Variants in CEP128 observed in about 807,000 individuals in gnomAD.
CEP128 encodes centrosomal protein 128.
In CEP128, 132 loss-of-function variants were observed where a neutral mutation model predicts 156.7. The observed-to-expected ratio is 0.84, with a 90% CI of 0.73 to 0.97. The LOEUF (loss-of-function observed/expected upper bound fraction) is 0.97. Ranked by LOEUF, CEP128 falls within the 50% of genes least tolerant of loss-of-function variation. The pLI is 0.00. For synonymous variants in CEP128, 469 were observed against 448.9 expected, an observed-to-expected ratio of 1.04 and a Z score of -0.57; for missense variants, 1,252 against 1,281.9, an observed-to-expected ratio of 0.98 and a Z score of 0.36.
intron 2 of CEP128, among the ~76,000 whole-genome samples, chr14:80,948,305 C>A (rs1044526917): frequency 6.6e-6 from 1 of 152,172 alleles, no homozygotes; most frequent in Non-Finnish European, 1.5e-5. Flanking sequence ...CTCAAAGAAT[C>A]ATCTTTAGCC....
chr14:80,668,028 T>C (rs1030495866), intron 19 of CEP128, among the ~76,000 whole-genome samples: 7 of 152,242 alleles, frequency 4.6e-5, no homozygotes, highest in South Asian at 2.1e-4. Context: ...CTGATGATAA[T>C]AGTAAACAGT....
intron 21 of CEP128, among the ~76,000 whole-genome samples, chr14:80,532,691 C>T (rs941917612): frequency 2.0e-5 from 3 of 152,156 alleles, no homozygotes; most frequent in Admixed American, 6.5e-5. Flanking sequence ...GATTGCTTTC[C>T]ATTGCTATCC....
intron 2 of CEP128, chr14:80,955,682 T>A (rs1305153461): frequency 6.2e-6 from 10 of 1,613,786 alleles, no homozygotes. Context: ...CCGTGGAAAA[T>A]GAGGCCGGCG....
At chr14:80,905,757 A>G in intron 5 of CEP128, 198 bp downstream of exon 5, 1 of 435,848 alleles carries the variant, frequency 2.3e-6, no homozygotes, top group East Asian at 4.5e-5. Flanking sequence ...GAGTTTGAGA[A>G]AAAAAAAAAA....
downstream of CEP128, among the ~76,000 whole-genome samples, chr14:80,489,719 G>A (rs111250486): frequency 1.3e-5 from 2 of 150,148 alleles, no homozygotes; most frequent in African/African-American, 2.5e-5. Context: ...CTGCTCTCTC[G>A]TCTCCTTAAA....
At chr14:80,865,184 T>A (rs1887709179) in intron 8 of CEP128, among the ~76,000 whole-genome samples, 1 of 152,200 alleles carries the variant, frequency 6.6e-6, no homozygotes, top group Admixed American at 6.5e-5. Context: ...AGTATTTATA[T>A]TTTTGTATCT....
intron 9 of CEP128, among the ~76,000 whole-genome samples, chr14:80,842,748 A>C (rs1022389377): frequency 6.6e-6 from 1 of 152,014 alleles, no homozygotes; most frequent in Admixed American, 6.6e-5. Flanking sequence ...GAAGAAAAAA[A>C]AATCACATGC....
intron 19 of CEP128, among the ~76,000 whole-genome samples, chr14:80,636,823 A>C (rs972630006): frequency 8.5e-5 from 13 of 152,164 alleles, no homozygotes; most frequent in African/African-American, 2.9e-4. Flanking sequence ...ACGGTGGCTC[A>C]CACCTGTAAT....
chr14:80,719,302 C>T (rs1273955268), intron 19 of CEP128, among the ~76,000 whole-genome samples: 1 of 152,176 alleles, frequency 6.6e-6, no homozygotes. Flanking sequence ...TCTTTGGACT[C>T]ATGGTGCAAT....
At chr14:80,724,401 T>C (rs1324836026) in intron 19 of CEP128, among the ~76,000 whole-genome samples, 1 of 152,084 alleles carries the variant, frequency 6.6e-6, no homozygotes, top group Non-Finnish European at 1.5e-5. Flanking sequence ...TTTATCCAAA[T>C]AGATACATTA....
chr14:80,610,563 T>C (rs1446486977), intron 19 of CEP128, among the ~76,000 whole-genome samples: 1 of 152,148 alleles, frequency 6.6e-6, no homozygotes, highest in African/African-American at 2.4e-5. Context: ...TGGTATTATA[T>C]GGGAAAACAT....
At position 80,647,011 on chromosome 14, in the gene CEP128, A is replaced by ATATATATATGTG. The variant is rs1233103116; in HGVS notation, c.2807-66589_2807-66588insCACATATATATA. 1.9e-3 allele frequency among the ~76,000 whole-genome samples: 136 copies of ATATATATATGTG among 72,532 alleles called. 9 individuals are homozygous for ATATATATATGTG. The East Asian group carries it at 0.028, about 15-fold the overall frequency. 47.6% of individuals were successfully genotyped at this position (72,532 alleles called of 152,430 possible). ...TTATAAGAAATATATATATATATAT[A>ATATATATATGTG]TGTGTGTGTATATATATGTGTGCAT... is the stretch of plus-strand genomic sequence containing the variant. On this transcript the variant is annotated intron_variant, in intron 19 of 24. Coordinates refer to ENST00000555265, the MANE Select transcript of CEP128 (RefSeq NM_152446.5).
At chr14:80,913,622 T>C (rs60459982) in intron 4 of CEP128, among the ~76,000 whole-genome samples, 9,930 of 151,948 alleles carry the variant, frequency 0.065, 1,077 homozygotes, top group African/African-American at 0.23. Context: ...CTAAGCTATG[T>C]GTACATAAAG....
At chr14:80,861,009 A>G (rs1401120316) in intron 9 of CEP128, among the ~76,000 whole-genome samples, 1 of 151,992 alleles carries the variant, frequency 6.6e-6, no homozygotes, top group African/African-American at 2.4e-5. Flanking sequence ...GAAACACTTA[A>G]AGGGAATTTC....
chr14:80,710,935 TG>T (rs1897379611), intron 19 of CEP128, among the ~76,000 whole-genome samples: 2 of 152,190 alleles, frequency 1.3e-5, no homozygotes, highest in Admixed American at 1.3e-4. Flanking sequence ...AATTATCGTC[TG>T]AAATCATTAA....
rs190004688 is a variant in CEP128, at chr14:80,789,805, C to T, written c.1560+2955G>A. On this transcript the variant is annotated intron_variant, in intron 14 of 24. Transcript: ENST00000555265. ...AGACGTGAATACAAAGTATTATATA[C>T]GCAGTTTGGTTTTTTTTTTTTAACT... Among the ~76,000 whole-genome samples the T allele has an allele frequency of 2.7e-3, 399 of 149,192 alleles. 20 individuals carry two copies. The South Asian group carries it at 0.074, about 28-fold the overall frequency.
chr14:80,527,392 C>A (rs1415392820), intron 22 of CEP128: 2 of 203,640 alleles, frequency 9.8e-6, no homozygotes, highest in South Asian at 1.4e-4. Context: ...GATTGTGCTA[C>A]TGCACTACAG....
intron 8 of CEP128, among the ~76,000 whole-genome samples, chr14:80,889,684 C>A (rs1030172327): frequency 6.6e-6 from 1 of 152,242 alleles, no homozygotes; most frequent in African/African-American, 2.4e-5. Context: ...TGGGAGAAAA[C>A]ACAGCCAATA....
At chr14:80,702,140 GTC>G (rs1328023797) in intron 19 of CEP128, among the ~76,000 whole-genome samples, 5 of 151,998 alleles carry the variant, frequency 3.3e-5, no homozygotes, top group African/African-American at 1.2e-4. Context: ...TTTGTTTGTT[GTC>G]TGTCTCCTGC....
Sources: gnomAD v4.1 joint callset for allele counts (sites outside exome capture counted in the v4.1 genomes callset) on GRCh38, gnomAD v4.1.1 for gene constraint, MANE v1.5 for transcripts, NCBI Gene and HGNC (gene_info 2026-07-23, HGNC 2026-07-21) for gene names.